SLC1A2: variants seen among roughly 807,000 people sequenced by gnomAD.
The protein encoded by SLC1A2 is excitatory amino acid transporter 2.
In SLC1A2, 15 loss-of-function variants were observed where a neutral mutation model predicts 48.8. The ratio of observed to expected loss-of-function variants is 0.31; its 90% CI spans 0.21 to 0.47. SLC1A2 has a LOEUF of 0.47. Among genes scored for constraint, SLC1A2 ranks in the 20% least tolerant of loss-of-function variants. The probability of loss-of-function intolerance (pLI) is 0.99; values close to 1 mark genes in which losing one functional copy is unlikely to be tolerated. For missense variants in SLC1A2, 502 were observed against 730.5 expected (o/e 0.69, Z 3.61); for synonymous variants, 279 against 272.6 (o/e 1.02, Z -0.23).
At chr11:35,304,256 T>A (rs2134817227) in intron 5 of SLC1A2, among the ~76,000 whole-genome samples, 1 of 152,026 alleles carries the variant, frequency 6.6e-6, no homozygotes, top group Admixed American at 6.5e-5. Context: ...ACCAGGAAAG[T>A]CTTTGAATGA....
intron 5 of SLC1A2, among the ~76,000 whole-genome samples, chr11:35,303,591 A>G (rs2134812734): frequency 6.6e-6 from 1 of 152,340 alleles, no homozygotes; most frequent in South Asian, 2.1e-4. Flanking sequence ...AGAATAGCTC[A>G]TATTACTTGG....
At chr11:35,366,989 T>C (rs1853871846) in intron 1 of SLC1A2, among the ~76,000 whole-genome samples, 1 of 152,234 alleles carries the variant, frequency 6.6e-6, no homozygotes, top group Admixed American at 6.5e-5. Flanking sequence ...CAAAGCTGAC[T>C]AATACAGGGC....
chr11:35,419,132 G>T lies in SLC1A2; in HGVS notation c.-166C>A. ...GGTAAGCCCTTTAGCGCCTCAACGG[G>T]CGCAGGAGGCTCCTGCGGGCGCTAA... On this transcript the variant is annotated 5_prime_UTR_variant, in exon 1 of 11. Transcript: ENST00000278379. This position sits in a 1 kb window ranked among gnomAD's most constrained non-coding sequence, Gnocchi z 5.4. 1.9e-6 allele frequency: 1 copy of T among 520,764 alleles called. No homozygotes were observed. Among genetic ancestry groups the T allele is most frequent in the South Asian group, 3.5e-5 (1 of 28,838 alleles). 32.3% of individuals were successfully genotyped at this position (520,764 alleles called of 1,614,324 possible).
At chr11:35,321,771 G>A (rs1338422451) in intron 1 of SLC1A2, among the ~76,000 whole-genome samples, 1 of 152,180 alleles carries the variant, frequency 6.6e-6, no homozygotes, top group Admixed American at 6.5e-5. Flanking sequence ...GGTCTGGGAA[G>A]TCCACCGGAT....
chr11:35,271,769 A>C (rs1850286232), intron 9 of SLC1A2, among the ~76,000 whole-genome samples: 1 of 152,092 alleles, frequency 6.6e-6, no homozygotes, highest in African/African-American at 2.4e-5. Context: ...CTTGGGCCTG[A>C]GAGACGAAGG....
intron 1 of SLC1A2, among the ~76,000 whole-genome samples, chr11:35,329,323 T>A (rs1361253007): frequency 6.6e-6 from 1 of 152,214 alleles, no homozygotes; most frequent in Admixed American, 6.5e-5. Context: ...AACCCATGAA[T>A]GTACAACACC....
At chr11:35,330,399 A>G (rs1296339259) in intron 1 of SLC1A2, among the ~76,000 whole-genome samples, 1 of 152,178 alleles carries the variant, frequency 6.6e-6, no homozygotes, top group Non-Finnish European at 1.5e-5. Flanking sequence ...AGGTAATTTC[A>G]CAGTAGAGAA....
intron 1 of SLC1A2, among the ~76,000 whole-genome samples, chr11:35,372,214 T>G (rs1854085375): frequency 6.6e-6 from 1 of 152,240 alleles, no homozygotes; most frequent in South Asian, 2.1e-4. Context: ...CTCTTGTCTC[T>G]TAGGATCAGA....
At chr11:35,279,057 A>G (rs1162560823) in intron 9 of SLC1A2, among the ~76,000 whole-genome samples, 3 of 152,226 alleles carry the variant, frequency 2.0e-5, no homozygotes, top group African/African-American at 7.2e-5. Flanking sequence ...CTTAAAATCA[A>G]TGCCAATAAA....
chr11:35,262,639 T>C (rs1016212307), intron 10 of SLC1A2, among the ~76,000 whole-genome samples: 4 of 152,184 alleles, frequency 2.6e-5, no homozygotes, highest in African/African-American at 9.7e-5. Context: ...TGTAAATTTA[T>C]CTCCATGGCT....
chr11:35,416,145 T>C (rs991523585), intron 1 of SLC1A2, among the ~76,000 whole-genome samples: 1 of 152,144 alleles, frequency 6.6e-6, no homozygotes, highest in African/African-American at 2.4e-5. Context: ...TTCCAAATAA[T>C]CAAAGCCCTC....
chr11:35,403,208 T>C (rs1424668240), intron 1 of SLC1A2, among the ~76,000 whole-genome samples: 2 of 152,236 alleles, frequency 1.3e-5, no homozygotes, highest in African/African-American at 4.8e-5. Context: ...ATTGTCCTTA[T>C]TTAAAAGATA....
intron 4 of SLC1A2, chr11:35,307,187 C>CA (rs1851539088): frequency 6.9e-6 from 1 of 145,386 alleles, no homozygotes; most frequent in Non-Finnish European, 1.5e-5. Context: ...ACAGGGGTAT[C>CA]ACAGGCTGCC....
At chr11:35,391,051 G>T (rs1161123275) in intron 1 of SLC1A2, 1 of 152,080 alleles carries the variant, frequency 6.6e-6, no homozygotes, top group Non-Finnish European at 1.5e-5. Context: ...TCTATCTGTG[G>T]CCTCTGCTAT....
intron 1 of SLC1A2, among the ~76,000 whole-genome samples, chr11:35,387,977 GAGGTC>G (rs1283559492): frequency 6.6e-6 from 1 of 152,176 alleles, no homozygotes; most frequent in Non-Finnish European, 1.5e-5. Flanking sequence ...ACAACCTTAT[GAGGTC>G]AGCGTTATCA....
intron 1 of SLC1A2, among the ~76,000 whole-genome samples, chr11:35,335,326 A>T (rs1475943065): frequency 6.6e-6 from 1 of 152,190 alleles, no homozygotes; most frequent in Non-Finnish European, 1.5e-5. Context: ...ATTTCCCCCA[A>T]GATATTGGCC....
chr11:35,315,253 A>G, intron 2 of SLC1A2, 78 bp from the exon 3 acceptor site: 1 of 1,038,776 alleles, frequency 9.6e-7, no homozygotes, highest in Non-Finnish European at 1.5e-6. Context: ...TATTTCAGCA[A>G]CATTGACCTT....
intron 1 of SLC1A2, among the ~76,000 whole-genome samples, chr11:35,325,291 G>A (rs1391407216): frequency 2.0e-5 from 3 of 152,136 alleles, no homozygotes; most frequent in African/African-American, 7.2e-5. Flanking sequence ...ACTTCCCTCA[G>A]GAAGCCTTTG....
chr11:35,283,696 C>A (rs753376792), intron 8 of SLC1A2, among the ~76,000 whole-genome samples: 10 of 152,062 alleles, frequency 6.6e-5, no homozygotes, highest in Non-Finnish European at 1.5e-4. Flanking sequence ...CTTTGCTTGG[C>A]AAAAGACTTG....
Sources: gnomAD v4.1 joint callset for allele counts (sites outside exome capture counted in the v4.1 genomes callset) on GRCh38, gnomAD v4.1.1 for gene constraint, Gnocchi (gnomAD v3.1) non-coding constraint, MANE v1.5 for transcripts, NCBI Gene and HGNC (gene_info 2026-07-23, HGNC 2026-07-21) for gene names.